Variants in PSD3 observed in about 807,000 individuals in gnomAD.
The protein encoded by PSD3 is PH and SEC7 domain-containing protein 3.
A neutral mutation model predicts 105.5 loss-of-function variants in PSD3; 49 were observed. That is an observed-to-expected ratio of 0.46 (90% confidence interval 0.37 to 0.59). The LOEUF is 0.59. PSD3 is among the 20% of genes least tolerant of loss of function. PSD3 has a pLI of 0.00. For missense variants in PSD3, 1,561 were observed against 1,263.8 expected (o/e 1.24, Z -3.57); for synonymous variants, 557 against 457.8 (o/e 1.22, Z -2.77).
intron 8 of PSD3, among the ~76,000 whole-genome samples, chr8:18,791,857 A>C (rs1346613347): frequency 4.6e-5 from 7 of 152,220 alleles, no homozygotes; most frequent in African/African-American, 1.7e-4. Flanking sequence ...CGGCACCTAC[A>C]AGGAATTTAA....
chr8:18,856,945 T>A, intron 4 of PSD3, among the ~76,000 whole-genome samples: 1 of 152,306 alleles, frequency 6.6e-6, no homozygotes, highest in South Asian at 2.1e-4. Flanking sequence ...AGACAGAGAA[T>A]TGACTAAAAT....
At chr8:19,005,877 G>A (rs142025272) in intron 1 of PSD3, among the ~76,000 whole-genome samples, 1 of 151,940 alleles carries the variant, frequency 6.6e-6, no homozygotes, top group East Asian at 1.9e-4. Flanking sequence ...ATCAATGAGT[G>A]TACACTTTAA....
chr8:18,630,245 C>T (rs574188715), intron 11 of PSD3, among the ~76,000 whole-genome samples: 1 of 151,632 alleles, frequency 6.6e-6, no homozygotes, highest in Admixed American at 6.6e-5. Flanking sequence ...CAGAAATTCT[C>T]AAGACAGTTA....
At chr8:18,711,009 C>T (rs527800872) in intron 9 of PSD3, among the ~76,000 whole-genome samples, 8 of 152,166 alleles carry the variant, frequency 5.3e-5, no homozygotes, top group South Asian at 2.1e-4. Context: ...AAAGAATTTC[C>T]GACCTAGAAT....
intron 9 of PSD3, among the ~76,000 whole-genome samples, chr8:18,716,644 T>A (rs1802617884): frequency 6.6e-6 from 1 of 152,184 alleles, no homozygotes; most frequent in Non-Finnish European, 1.5e-5. Flanking sequence ...TTTTCCTAAG[T>A]GTAGAAGGAT....
At chr8:18,828,069 T>TATATA (rs534987630) in intron 4 of PSD3, among the ~76,000 whole-genome samples, 155 of 97,872 alleles carry the variant, frequency 1.6e-3, no homozygotes, top group East Asian at 2.5e-3. Flanking sequence ...ATATATATAT[T>TATATA]TTTTTTTTTT....
chr8:18,754,089 T>C (rs1262814289), intron 9 of PSD3, among the ~76,000 whole-genome samples: 2 of 152,162 alleles, frequency 1.3e-5, no homozygotes, highest in Admixed American at 6.5e-5. Context: ...TTCTTTAAAA[T>C]AATTTCAATT....
At chr8:18,903,692 T>C (rs1267907963) in intron 2 of PSD3, among the ~76,000 whole-genome samples, 1 of 152,090 alleles carries the variant, frequency 6.6e-6, no homozygotes, top group Non-Finnish European at 1.5e-5. Flanking sequence ...ATGTGCTCCT[T>C]CAGCTCAGGC....
chr8:18,580,056 T>G (rs1488656019), intron 12 of PSD3, among the ~76,000 whole-genome samples: 3 of 152,212 alleles, frequency 2.0e-5, no homozygotes, highest in Non-Finnish European at 4.4e-5. Context: ...ATTAAAAATG[T>G]TTTTTATAAT....
In PSD3 at chr8:18,586,446, C is replaced by T. The variant is rs184900767; in HGVS notation, c.2482-11161G>A. Among the ~76,000 whole-genome samples, 123 of 152,230 alleles carry T rather than the reference C, an allele frequency of 8.1e-4. 1 individual carries two copies. Among genetic ancestry groups the T allele is most frequent in the South Asian group, 1.7e-3 (8 of 4,826 alleles). The stretch of plus-strand genomic sequence containing the variant: ...TTCTATATGGGTAAAAATCATTATA[C>T]GCTATTACGTAGTTGAGAAGTCTTG... On this transcript the variant is annotated intron_variant, in intron 12 of 15. Transcript: ENST00000327040.
At chr8:18,584,784 T>C (rs1202310382) in intron 12 of PSD3, among the ~76,000 whole-genome samples, 5 of 152,324 alleles carry the variant, frequency 3.3e-5, no homozygotes, top group Middle Eastern at 3.4e-3. Context: ...TAAATGTCTC[T>C]TCAAAAAGGT....
chr8:18,563,561 A>G (rs943594537), intron 14 of PSD3, among the ~76,000 whole-genome samples: 3 of 152,194 alleles, frequency 2.0e-5, no homozygotes, highest in African/African-American at 7.2e-5. Context: ...GGGAGGCTCA[A>G]TCCAAAAGAT....
chr8:18,664,355 G>A (rs1809564140), intron 9 of PSD3, among the ~76,000 whole-genome samples: 1 of 152,200 alleles, frequency 6.6e-6, no homozygotes, highest in African/African-American at 2.4e-5. Flanking sequence ...CTGATATGGA[G>A]AAAGTTTAAA....
At chr8:18,768,766 C>T (rs978799843) in intron 8 of PSD3, among the ~76,000 whole-genome samples, 2 of 152,150 alleles carry the variant, frequency 1.3e-5, no homozygotes, top group Non-Finnish European at 2.9e-5. Context: ...CCCATTCAAG[C>T]TGTCTAAATA....
intron 1 of PSD3, among the ~76,000 whole-genome samples, chr8:18,978,290 A>T (rs573416280): frequency 6.6e-6 from 1 of 152,346 alleles, no homozygotes; most frequent in South Asian, 2.1e-4. Flanking sequence ...ACTCTGAGTG[A>T]ACTGGGAAAG....
intron 9 of PSD3, among the ~76,000 whole-genome samples, chr8:18,710,412 A>G (rs1275467542): frequency 6.6e-6 from 1 of 152,190 alleles, no homozygotes; most frequent in Non-Finnish European, 1.5e-5. Context: ...CCAGGTTGGA[A>G]AACATACTCC....
chr8:18,819,165 T>C (rs1027271578), intron 4 of PSD3, among the ~76,000 whole-genome samples: 2 of 152,166 alleles, frequency 1.3e-5, no homozygotes, highest in African/African-American at 2.4e-5. Flanking sequence ...CACTGCACCA[T>C]TGTATACAGC....
At chr8:18,868,178 C>A in intron 3 of PSD3, 109 bp from the exon 4 acceptor site, 9 of 1,218,280 alleles carry the variant, frequency 7.4e-6, no homozygotes, top group Non-Finnish European at 1.0e-5. Context: ...CTCTTCTATT[C>A]ATTGACTTAT....
At position 18,966,367 on chromosome 8, in the gene PSD3, C is replaced by A. The variant is rs28571753; in HGVS notation, c.22-30225G>T. On this transcript the variant is annotated intron_variant, in intron 1 of 15. Coordinates refer to ENST00000327040, the MANE Select transcript of PSD3 (RefSeq NM_015310.4). ...GGTGAATCACTTGAGGTCAGCAGTT[C>A]AAGAACAGCCTGGCCAACACTGCGA... Among the ~76,000 whole-genome samples the A allele has an allele frequency of 4.7e-3, 721 of 152,128 alleles. 5 individuals are homozygous for A. Among genetic ancestry groups the A allele is most frequent in the African/African-American group, 0.017 (699 of 41,502 alleles).
Sources: gnomAD v4.1 joint callset for allele counts (sites outside exome capture counted in the v4.1 genomes callset) on GRCh38, gnomAD v4.1.1 for gene constraint, MANE v1.5 for transcripts, NCBI Gene and HGNC (gene_info 2026-07-23, HGNC 2026-07-21) for gene names.